Variants in NCKAP5 observed in about 807,000 individuals in gnomAD.
NCKAP5 encodes the protein NCK associated protein 5.
In NCKAP5, 92 loss-of-function variants were observed where a neutral mutation model predicts 167.0. The ratio of observed to expected loss-of-function variants is 0.55; its 90% CI spans 0.47 to 0.66. NCKAP5 has a LOEUF of 0.66. NCKAP5 is among the 30% of genes least tolerant of loss of function. The probability of loss-of-function intolerance (pLI) is 0.00; values close to 1 mark genes in which losing one functional copy is unlikely to be tolerated. For synonymous variants in NCKAP5, 891 were observed against 877.4 expected (o/e 1.02, Z -0.27); for missense variants, 2,378 against 2,315.0 (o/e 1.03, Z -0.56).
At chr2:133,059,021 C>T (rs1197986992) in intron 6 of NCKAP5, among the ~76,000 whole-genome samples, 2 of 152,176 alleles carry the variant, frequency 1.3e-5, no homozygotes, top group African/African-American at 4.8e-5. Context: ...GATATGCAGC[C>T]AGGGGTGGTG....
At chr2:133,434,228 G>A (rs1391022194) in intron 3 of NCKAP5, among the ~76,000 whole-genome samples, 1 of 152,148 alleles carries the variant, frequency 6.6e-6, no homozygotes, top group Non-Finnish European at 1.5e-5. Context: ...TATTTTGCCA[G>A]GTGATGCTTG....
chr2:133,362,654 G>A (rs1299079433), intron 3 of NCKAP5, among the ~76,000 whole-genome samples: 1 of 152,198 alleles, frequency 6.6e-6, no homozygotes, highest in African/African-American at 2.4e-5. Flanking sequence ...GGCTTCCTAA[G>A]ATAAACTCCC....
intron 2 of NCKAP5, among the ~76,000 whole-genome samples, chr2:133,527,645 A>G (rs569222120): frequency 3.9e-5 from 6 of 152,142 alleles, no homozygotes; most frequent in Non-Finnish European, 5.9e-5. Flanking sequence ...CCTAAGTAAT[A>G]ATGGCTGCCA....
chr2:133,494,374 C>G (rs913528957), intron 3 of NCKAP5, among the ~76,000 whole-genome samples: 6 of 152,186 alleles, frequency 3.9e-5, no homozygotes, highest in African/African-American at 4.8e-5. Context: ...TTCTCCTCTG[C>G]ATTTCCATGT....
At chr2:132,887,340 TATCTATCTATCC>T (rs200706739) in intron 8 of NCKAP5, among the ~76,000 whole-genome samples, 11,839 of 118,504 alleles carry the variant, frequency 0.1, 1,515 homozygotes, top group African/African-American at 0.32. Flanking sequence ...TCTATCTATC[TATCTATCTATCC>T]ATCCATCCAT....
intron 16 of NCKAP5, among the ~76,000 whole-genome samples, chr2:132,770,149 A>C (rs1681899366): frequency 6.6e-6 from 1 of 152,212 alleles, no homozygotes; most frequent in Non-Finnish European, 1.5e-5. Flanking sequence ...GAGTGCCCCA[A>C]ACTTATAGAT....
intron 3 of NCKAP5, among the ~76,000 whole-genome samples, chr2:133,374,560 G>A (rs1394120080): frequency 6.6e-6 from 1 of 151,716 alleles, no homozygotes; most frequent in Non-Finnish European, 1.5e-5. Context: ...ATGGGGTGAA[G>A]TGCGTGTGTA....
At chr2:132,778,292 T>C (rs1473659565) in intron 15 of NCKAP5, among the ~76,000 whole-genome samples, 1 of 152,082 alleles carries the variant, frequency 6.6e-6, no homozygotes. Context: ...TATAAGCTTC[T>C]AATTAAGGCT....
chr2:132,866,333 T>A (rs1690349740), intron 10 of NCKAP5, among the ~76,000 whole-genome samples: 1 of 152,212 alleles, frequency 6.6e-6, no homozygotes, highest in South Asian at 2.1e-4. Flanking sequence ...ATATTTCAGA[T>A]AACAATATGA....
At chr2:133,211,693 A>G (rs1269650432) in intron 5 of NCKAP5, among the ~76,000 whole-genome samples, 2 of 152,244 alleles carry the variant, frequency 1.3e-5, no homozygotes, top group African/African-American at 4.8e-5. Flanking sequence ...TGCTGGGCAC[A>G]TAATAAATGG....
intron 9 of NCKAP5, among the ~76,000 whole-genome samples, chr2:132,877,855 G>A (rs560687722): frequency 3.9e-5 from 6 of 152,066 alleles, no homozygotes; most frequent in South Asian, 2.1e-4. Flanking sequence ...AAAGACTGAC[G>A]ATATATTGGC....
chr2:133,116,636 T>C (rs956930965), intron 6 of NCKAP5, among the ~76,000 whole-genome samples: 1 of 152,166 alleles, frequency 6.6e-6, no homozygotes, highest in Non-Finnish European at 1.5e-5. Flanking sequence ...ACTATATACT[T>C]GCTCCAAACA....
intron 3 of NCKAP5, among the ~76,000 whole-genome samples, chr2:133,306,088 C>T (rs1680757018): frequency 6.6e-6 from 1 of 152,140 alleles, no homozygotes; most frequent in Non-Finnish European, 1.5e-5. Context: ...AGGATTACTC[C>T]TAGGGGGAAT....
At chr2:132,677,627 T>C (rs1203499234) in intron 19 of NCKAP5, among the ~76,000 whole-genome samples, 1 of 152,068 alleles carries the variant, frequency 6.6e-6, no homozygotes, top group Non-Finnish European at 1.5e-5. Context: ...TATGCCTCTA[T>C]TGCAACTGTG....
At chr2:133,461,385 G>GT (rs1414494553) in intron 3 of NCKAP5, among the ~76,000 whole-genome samples, 1 of 152,018 alleles carries the variant, frequency 6.6e-6, no homozygotes, top group Non-Finnish European at 1.5e-5. Flanking sequence ...CCATTTTCAA[G>GT]TTTCTTTATT....
At chr2:133,016,817 C>T (rs2078354536) in intron 6 of NCKAP5, among the ~76,000 whole-genome samples, 1 of 151,582 alleles carries the variant, frequency 6.6e-6, no homozygotes, top group Non-Finnish European at 1.5e-5. Flanking sequence ...GCTTTCCTCA[C>T]TAAAAAAAAA....
At chr2:133,564,327 T>C (rs1688393523) in intron 1 of NCKAP5, among the ~76,000 whole-genome samples, 1 of 152,230 alleles carries the variant, frequency 6.6e-6, no homozygotes, top group Non-Finnish European at 1.5e-5. Flanking sequence ...CACTCAATAG[T>C]GATTGATGTT....
At chr2:133,207,765 T>C (rs1279964816) in intron 5 of NCKAP5, among the ~76,000 whole-genome samples, 1 of 152,048 alleles carries the variant, frequency 6.6e-6, no homozygotes, top group East Asian at 1.9e-4. Flanking sequence ...ATGCAAAGTA[T>C]AAAATAAATA....
At chr2:132,742,615 A>G (rs942191858) in intron 16 of NCKAP5, among the ~76,000 whole-genome samples, 3 of 151,974 alleles carry the variant, frequency 2.0e-5, no homozygotes, top group African/African-American at 7.2e-5. Context: ...CTTCAGAAAG[A>G]TAAGAATTTA....
Sources: gnomAD v4.1 joint callset for allele counts (sites outside exome capture counted in the v4.1 genomes callset) on GRCh38, gnomAD v4.1.1 for gene constraint, MANE v1.5 for transcripts, NCBI Gene and HGNC (gene_info 2026-07-23, HGNC 2026-07-21) for gene names.